Variants in TENM2 observed in about 807,000 individuals in gnomAD.
The protein encoded by TENM2 is teneurin transmembrane protein 2.
Under a neutral mutation model 245.2 loss-of-function variants are expected in TENM2, and 52 were observed. The ratio of observed to expected loss-of-function variants is 0.21; its 90% CI spans 0.17 to 0.27. The LOEUF (loss-of-function observed/expected upper bound fraction) is 0.27. Among genes scored for constraint, TENM2 ranks in the 10% least tolerant of loss-of-function variants. The pLI, the probability that TENM2 is intolerant of heterozygous loss-of-function variation, is 1.00. For synonymous variants in TENM2, 1,363 were observed against 1,438.9 expected (o/e 0.95, Z 1.19); for missense variants, 3,046 against 3,666.8 (o/e 0.83, Z 4.37).
At chr5:167,320,147 C>G (rs975929085) in intron 1 of TENM2, among the ~76,000 whole-genome samples, 1 of 152,144 alleles carries the variant, frequency 6.6e-6, no homozygotes, top group Admixed American at 6.6e-5. Context: ...GAAACAAGTC[C>G]TCATTCTATC....
At chr5:167,748,872 G>A (rs1761765296) in intron 2 of TENM2, among the ~76,000 whole-genome samples, 1 of 152,096 alleles carries the variant, frequency 6.6e-6, no homozygotes, top group Non-Finnish European at 1.5e-5. Flanking sequence ...CTCAACACAT[G>A]AAGACTGTGG....
chr5:167,913,477 G>GA (rs559774295), intron 3 of TENM2, among the ~76,000 whole-genome samples: 49 of 152,118 alleles, frequency 3.2e-4, no homozygotes, highest in African/African-American at 1.2e-3. Flanking sequence ...GAAACAGGGA[G>GA]AAAAAAAGCA....
chr5:167,458,083 G>GAATGGT (rs1218011600), intron 2 of TENM2, among the ~76,000 whole-genome samples: 1 of 151,994 alleles, frequency 6.6e-6, no homozygotes, highest in Admixed American at 6.6e-5. Flanking sequence ...TGCTCTTTTG[G>GAATGGT]AATGGTTCTT....
the TENM2 span, among the ~76,000 whole-genome samples, chr5:167,070,253 G>C: frequency 6.7e-6 from 1 of 148,388 alleles, no homozygotes; most frequent in Non-Finnish European, 1.5e-5. Context: ...GAGTAGCTGG[G>C]ACTACAAGCA....
intron 2 of TENM2, among the ~76,000 whole-genome samples, chr5:167,743,936 G>A (rs750835520): frequency 9.2e-5 from 14 of 152,160 alleles, no homozygotes; most frequent in Non-Finnish European, 1.9e-4. Context: ...GAAACTAGAA[G>A]TGAGCTTGAA....
chr5:167,528,251 C>T (rs2127590298), intron 2 of TENM2, among the ~76,000 whole-genome samples: 1 of 152,230 alleles, frequency 6.6e-6, no homozygotes, highest in South Asian at 2.1e-4. Context: ...CCTTCCAGTG[C>T]CCCTAGCTCA....
chr5:167,579,489 T>C (rs1774934492), intron 2 of TENM2, among the ~76,000 whole-genome samples: 1 of 152,222 alleles, frequency 6.6e-6, no homozygotes, highest in African/African-American at 2.4e-5. Flanking sequence ...AGTTCCAAAG[T>C]TGCAGCTTGC....
At chr5:167,293,466 C>T (rs113755797) in intron 1 of TENM2, among the ~76,000 whole-genome samples, 3,372 of 151,302 alleles carry the variant, frequency 0.022, 108 homozygotes, top group African/African-American at 0.077. Flanking sequence ...GTGATCCACC[C>T]GCCTCGGGCT....
intron 2 of TENM2, among the ~76,000 whole-genome samples, chr5:167,434,527 G>T (rs1487023834): frequency 6.7e-6 from 1 of 148,368 alleles, no homozygotes; most frequent in Non-Finnish European, 1.5e-5. Context: ...CAACCAAATT[G>T]TTTTCAAAAT....
intron 2 of TENM2, among the ~76,000 whole-genome samples, chr5:167,808,081 T>C (rs1448171448): frequency 6.6e-6 from 1 of 152,188 alleles, no homozygotes; most frequent in Non-Finnish European, 1.5e-5. Flanking sequence ...CTCAGCAGGA[T>C]GTAGTATAGA....
chr5:167,180,269 G>A, the TENM2 span, among the ~76,000 whole-genome samples: 1,439 of 151,776 alleles, frequency 9.5e-3, 13 homozygotes, highest in South Asian at 0.02. Flanking sequence ...GCCACCACAC[G>A]GGGCTCATTT....
intron 2 of TENM2, among the ~76,000 whole-genome samples, chr5:167,688,947 T>C (rs1488199405): frequency 6.6e-6 from 1 of 152,206 alleles, no homozygotes; most frequent in Non-Finnish European, 1.5e-5. Context: ...CAGAACATTT[T>C]TTTTTCTTTT....
chr5:167,744,595 C>T (rs983375372), intron 2 of TENM2, among the ~76,000 whole-genome samples: 3 of 152,094 alleles, frequency 2.0e-5, no homozygotes, highest in Non-Finnish European at 2.9e-5. Flanking sequence ...AGTCTGGACA[C>T]GTTTTTATTT....
chr5:168,090,500 C>G (rs2053049), intron 7 of TENM2, 74 bp from the exon 10 acceptor site: 541,767 of 1,346,606 alleles, frequency 0.4, 111,663 homozygotes, highest in South Asian at 0.6. Flanking sequence ...CAAATGGGTT[C>G]GGGGGGAAGG....
chr5:168,034,781 A>G (rs1787514307), intron 5 of TENM2, among the ~76,000 whole-genome samples: 1 of 152,088 alleles, frequency 6.6e-6, no homozygotes, highest in Non-Finnish European at 1.5e-5. Context: ...CAAAGAAAAT[A>G]AATAAAAAAT....
intron 2 of TENM2, among the ~76,000 whole-genome samples, chr5:167,705,457 T>C (rs1480365987): frequency 1.3e-5 from 2 of 152,194 alleles, no homozygotes; most frequent in African/African-American, 2.4e-5. Context: ...AAGACGTTCT[T>C]TATGATTAAC....
At chr5:167,085,557 GA>G in the TENM2 span, among the ~76,000 whole-genome samples, 2 of 152,072 alleles carry the variant, frequency 1.3e-5, no homozygotes, top group African/African-American at 4.8e-5. Context: ...AAAAATCTAT[GA>G]GATAGATGTT....
At chr5:168,051,058 G>C (rs1469724833) in intron 6 of TENM2, among the ~76,000 whole-genome samples, 1 of 152,208 alleles carries the variant, frequency 6.6e-6, no homozygotes, top group Non-Finnish European at 1.5e-5. Flanking sequence ...ATTCAATACA[G>C]TATTCTGACC....
intron 12 of TENM2, among the ~76,000 whole-genome samples, chr5:168,144,333 C>G (rs375793429): frequency 6.8e-6 from 1 of 148,128 alleles, no homozygotes; most frequent in South Asian, 2.2e-4. Context: ...CTCCCCCCTA[C>G]CCCCACCCCA....
Sources: gnomAD v4.1 joint callset for allele counts (sites outside exome capture counted in the v4.1 genomes callset) on GRCh38, gnomAD v4.1.1 for gene constraint, MANE v1.5 for transcripts, NCBI Gene and HGNC (gene_info 2026-07-23, HGNC 2026-07-21) for gene names.